IRAG1: variants seen among roughly 807,000 people sequenced by gnomAD.
The protein encoded by IRAG1 is inositol 1,4,5-triphosphate receptor associated 1.
A neutral mutation model predicts 106.2 loss-of-function variants in IRAG1; 62 were observed. The observed-to-expected ratio is 0.58, with a 90% CI of 0.48 to 0.72. IRAG1 has a LOEUF of 0.72. IRAG1 is among the 30% of genes least tolerant of loss of function. The pLI is 0.00. For synonymous variants in IRAG1, 462 were observed against 443.9 expected (o/e 1.04, Z -0.51); for missense variants, 1,064 against 1,140.7 (o/e 0.93, Z 0.97).
chr11:10,623,134 G>A (rs1855969018), intron 10 of IRAG1, among the ~76,000 whole-genome samples: 1 of 152,206 alleles, frequency 6.6e-6, no homozygotes, highest in African/African-American at 2.4e-5. Context: ...TCGTGGTGGG[G>A]CTCGACATAC....
rs571686194 is a variant in IRAG1, at chr11:10,647,134, G to C, written c.225+4891C>G. Reference sequence around the variant, plus strand: ...GAGGTGAGTGGCTTTGGGAACACAGGACAACGTACTGTTGGCCCAGGTCCC... The same window carrying C: ...GAGGTGAGTGGCTTTGGGAACACAGCACAACGTACTGTTGGCCCAGGTCCC... On this transcript the variant is annotated intron_variant, in intron 2 of 20. Transcript: ENST00000423302. This position sits in a 1 kb window ranked among gnomAD's most constrained non-coding sequence, Gnocchi z 4.3. 7.2e-5 allele frequency among the ~76,000 whole-genome samples: 11 copies of C among 152,156 alleles called. No homozygotes were observed. The highest frequency in any genetic ancestry group is 1.5e-4 in the Non-Finnish European group (10 of 68,024).
chr11:10,624,941 T>C (rs948319775), intron 9 of IRAG1, among the ~76,000 whole-genome samples: 1 of 152,220 alleles, frequency 6.6e-6, no homozygotes, highest in African/African-American at 2.4e-5. Flanking sequence ...TCCGGGACTG[T>C]GGCAACTCCT....
intron 15 of IRAG1, among the ~76,000 whole-genome samples, chr11:10,596,454 T>C (rs1353153258): frequency 6.6e-6 from 1 of 152,238 alleles, no homozygotes; most frequent in Admixed American, 6.5e-5. Context: ...CCCTTTGTCT[T>C]TACTGTTCTG....
chr11:10,587,146 A>G (rs771145001), intron 18 of IRAG1, among the ~76,000 whole-genome samples: 1 of 152,218 alleles, frequency 6.6e-6, no homozygotes, highest in Non-Finnish European at 1.5e-5. Context: ...CATGAAAATG[A>G]GGCTCATTAT....
chr11:10,676,201 T>C (rs1228369086), intron 1 of IRAG1, among the ~76,000 whole-genome samples: 2 of 152,206 alleles, frequency 1.3e-5, no homozygotes, highest in African/African-American at 2.4e-5. Context: ...CAGAAAGTGA[T>C]GGAGGAGTGA....
rs541329980 is a variant in IRAG1, at chr11:10,609,783, T to C, written c.1516A>G (p.Asn506Asp). Residue 506 changes from asparagine to aspartate, a missense_variant, in exon 11 of 21, where the codon AAT becomes GAT. Transcript: ENST00000423302. ...ESKSGLDVMP[N>D]ISDVLLRKLR... is the part of the protein sequence containing the mutation. ...TTGCGCAGCAGCACATCAGAAATAT[T>C]AGGCATGACATCTAAGCCACTCTTT... is the stretch of plus-strand genomic sequence containing the variant. The C allele has an allele frequency of 4.3e-5, 70 of 1,613,946 alleles. 2 individuals carry two copies. The South Asian group carries it at 7.0e-4, about 16-fold the overall frequency.
intron 10 of IRAG1, among the ~76,000 whole-genome samples, chr11:10,615,157 T>TG (rs1275635749): frequency 1.1e-4 from 17 of 152,242 alleles, no homozygotes; most frequent in African/African-American, 3.4e-4. Flanking sequence ...AAGACATTTA[T>TG]GCAGCCAACA....
intron 1 of IRAG1, among the ~76,000 whole-genome samples, chr11:10,680,384 G>GGAAAGAAAGAAAGAAAGAAAGAAAGAAA (rs1861102259): frequency 1.7e-5 from 1 of 59,534 alleles, no homozygotes; most frequent in Admixed American, 1.7e-4. Context: ...AAGGAAGGAA[G>GGAAAGAAAGAAAGAAAGAAAGAAAGAAA]GAAGGAAGGA....
chr11:10,633,827 A>G (rs530085269), intron 3 of IRAG1, 141 bp downstream of exon 3: 1 of 514,270 alleles, frequency 1.9e-6, no homozygotes, highest in African/African-American at 2.0e-5. Context: ...TCTATCTTGT[A>G]TTTTGAAAAA....
chr11:10,609,823 A>G lies in IRAG1; in HGVS notation c.1476T>C (p.Ile492=). Residue 492 remains isoleucine, a synonymous_variant, in exon 11 of 21, where the codon ATT becomes ATC. Transcript: ENST00000423302. ...KGLPSELSPA[I]EEEESKSGLD... ...AGCCACTCTTTGACTCTTCTTCCTC[A>G]ATAGCTGGGGAGAGTTCAGAAGGAA... 2 of 1,613,974 alleles carry G rather than the reference A, an allele frequency of 1.2e-6. No homozygotes were observed. The highest frequency in any genetic ancestry group is 1.1e-5 in the South Asian group (1 of 91,082).
At chr11:10,693,387 A>C in intron 1 of IRAG1, 149 bp downstream of exon 1, 1 of 1,387,984 alleles carries the variant, frequency 7.2e-7, no homozygotes, top group Non-Finnish European at 9.5e-7. Context: ...AAAGATACTC[A>C]GCTGAAATGC....
At chr11:10,674,744 G>A (rs1268578605) in intron 1 of IRAG1, among the ~76,000 whole-genome samples, 1 of 152,204 alleles carries the variant, frequency 6.6e-6, no homozygotes, top group Non-Finnish European at 1.5e-5. Flanking sequence ...ACAGAAAAGT[G>A]ACTGCTTCCT....
At position 10,616,119 on chromosome 11, in the gene IRAG1, C is replaced by A. The variant is rs12275345; in HGVS notation, c.1448-6268G>T. 5.9e-3 allele frequency among the ~76,000 whole-genome samples: 885 copies of A among 151,074 alleles called. 12 individuals are homozygous for A. The highest frequency in any genetic ancestry group is 0.02 in the African/African-American group (834 of 41,334). On this transcript the variant is annotated intron_variant, in intron 10 of 20. Transcript: ENST00000423302. Reference sequence around the variant, plus strand: ...AGGACATCGAGACCATCCTGGCTAACGTGGTGAAACCCTAGCTCTACTAAA... The same window carrying A: ...AGGACATCGAGACCATCCTGGCTAAAGTGGTGAAACCCTAGCTCTACTAAA...
Position 10,601,067 on chromosome 11 carries a change from G to A in IRAG1, c.1876-8C>T, listed in dbSNP as rs540351373. The A allele has an allele frequency of 1.2e-6, 2 of 1,613,614 alleles. No homozygotes were observed. Among genetic ancestry groups the A allele is most frequent in the East Asian group, 4.5e-5 (2 of 44,890 alleles). On this transcript the variant is annotated splice_polypyrimidine_tract_variant and splice_region_variant and intron_variant, in intron 14 of 20. Transcript: ENST00000423302. ...TTTCGACATGCGCTTTTCCTGCGGG[G>A]AAGGAGCGCATGAGTGCATGAGGCC...
chr11:10,684,034 G>T (rs923555088), intron 1 of IRAG1, among the ~76,000 whole-genome samples: 4 of 152,054 alleles, frequency 2.6e-5, no homozygotes, highest in Non-Finnish European at 4.4e-5. Context: ...ATAAATTGGA[G>T]GTGCATGCTA....
intron 10 of IRAG1, among the ~76,000 whole-genome samples, chr11:10,612,371 G>A (rs867391974): frequency 3.3e-5 from 5 of 152,218 alleles, no homozygotes; most frequent in Middle Eastern, 3.4e-3. Context: ...ACAGAGTTAC[G>A]GAAAAAGAGA....
intron 15 of IRAG1, among the ~76,000 whole-genome samples, chr11:10,595,956 T>G (rs1009862804): frequency 1.3e-5 from 2 of 152,236 alleles, no homozygotes; most frequent in African/African-American, 4.8e-5. Flanking sequence ...TATTTGGTTT[T>G]CTCTTCCTGT....
At chr11:10,606,951 C>T (rs546659082) in intron 11 of IRAG1, among the ~76,000 whole-genome samples, 179 bp from the exon 12 acceptor site, 1 of 152,294 alleles carries the variant, frequency 6.6e-6, no homozygotes, top group Non-Finnish European at 1.5e-5. Flanking sequence ...CTGACTCTTA[C>T]GGCACCATGA....
At position 10,647,551 on chromosome 11, in the gene IRAG1, A is replaced by C. The variant is rs116663598; in HGVS notation, c.225+4474T>G. On this transcript the variant is annotated intron_variant, in intron 2 of 20. Transcript: ENST00000423302. This position sits in a 1 kb window ranked among gnomAD's most constrained non-coding sequence, Gnocchi z 4.3. ...ACTGACCTGCCCCTGGGGGCTTCTA[A>C]AACCCTTTGGAGGAGGATGGGAGTT... Among the ~76,000 whole-genome samples, 610 of 152,266 alleles carry C rather than the reference A, an allele frequency of 4.0e-3. 2 individuals carry two copies. The highest frequency in any genetic ancestry group is 0.014 in the African/African-American group (585 of 41,550).
Sources: allele counts gnomAD v4.1 joint callset (sites outside exome capture counted in the v4.1 genomes callset), GRCh38; gene constraint gnomAD v4.1.1; non-coding constraint Gnocchi (gnomAD v3.1); transcripts MANE v1.5; gene names NCBI Gene and HGNC (gene_info 2026-07-23, HGNC 2026-07-21).